AFF2: variants seen among roughly 807,000 people sequenced by gnomAD.
AFF2 encodes the protein AF4/FMR2 family member 2.
In AFF2, 14 loss-of-function variants were observed where a neutral mutation model predicts 76.9. The ratio of observed to expected loss-of-function variants is 0.18; its 90% CI spans 0.12 to 0.28. AFF2 has a LOEUF of 0.28. AFF2 is among the 10% of genes least tolerant of loss of function. AFF2 has a pLI of 1.00. For missense variants in AFF2, 868 were observed against 1,001.1 expected (o/e 0.87, Z 1.79); for synonymous variants, 398 against 366.7 (o/e 1.09, Z -0.98).
chrX:148,594,870 A>G (rs1397444890), intron 1 of AFF2, among the ~76,000 whole-genome samples: 1 of 112,116 alleles, frequency 8.9e-6, no homozygotes, highest in African/African-American at 3.2e-5. Flanking sequence ...GAGAGGATAA[A>G]ACAGAGGTTT....
rs189911952 is a variant in AFF2, at chrX:148,648,518, C to T, written c.48-3481C>T. ...TGGATGTTGCAGTGAGCTGAGATTG[C>T]GCCATTGCACTCCAGCCTGGTCGAC... On this transcript the variant is annotated intron_variant, in intron 1 of 20. Coordinates refer to ENST00000370460, the MANE Select transcript of AFF2 (RefSeq NM_002025.4). Among the ~76,000 whole-genome samples the T allele has an allele frequency of 3.4e-3, 326 of 95,093 alleles. 7 individuals carry two copies. The Admixed American group carries it at 0.036, about 10-fold the overall frequency. 82.6% of individuals were successfully genotyped at this position (95,093 alleles called of 115,157 possible).
chrX:148,727,608 A>G (rs189962244), intron 3 of AFF2, among the ~76,000 whole-genome samples: 42 of 106,314 alleles, frequency 4.0e-4, no homozygotes, highest in African/African-American at 1.5e-3. Flanking sequence ...TTGCCACTTT[A>G]AAAGTGAAAA....
At position 148,637,037 on chromosome X, in the gene AFF2, G is replaced by T. The variant is rs1557253943; in HGVS notation, c.48-14962G>T. Among the ~76,000 whole-genome samples, 3 of 111,800 alleles carry T rather than the reference G, an allele frequency of 2.7e-5. No individual in the cohort carries two copies. The South Asian group carries it at 1.1e-3, about 42-fold the overall frequency. On this transcript the variant is annotated intron_variant, in intron 1 of 20. Transcript: ENST00000370460. ...GTTCCCACATACCAGCACACTGTTT[G>T]TGATGTTCATTAAAAATATTAGGGA...
intron 9 of AFF2, among the ~76,000 whole-genome samples, chrX:148,931,900 T>A (rs1249581096): frequency 8.9e-6 from 1 of 112,056 alleles, no homozygotes; most frequent in Non-Finnish European, 1.9e-5. Context: ...GGGCTTTATA[T>A]TTTCTTTGTT....
At chrX:148,686,020 C>A (rs1221566983) in intron 3 of AFF2, among the ~76,000 whole-genome samples, 2 of 110,552 alleles carry the variant, frequency 1.8e-5, no homozygotes, top group Admixed American at 2.0e-4. Context: ...TTCTTTTCTT[C>A]TCAGGAGATT....
intron 9 of AFF2, among the ~76,000 whole-genome samples, chrX:148,949,997 A>T (rs1263664969): frequency 8.9e-6 from 1 of 112,630 alleles, no homozygotes; most frequent in Non-Finnish European, 1.9e-5. Flanking sequence ...TTAGTAACGT[A>T]TGAAAATAAA....
At chrX:148,905,576 C>T (rs1324345339) in intron 9 of AFF2, among the ~76,000 whole-genome samples, 4 of 112,222 alleles carry the variant, frequency 3.6e-5, no homozygotes, top group African/African-American at 9.7e-5. Flanking sequence ...GATCTTCTTT[C>T]CTGCAGTTCA....
intron 3 of AFF2, among the ~76,000 whole-genome samples, chrX:148,733,120 G>A (rs969633403): frequency 2.7e-5 from 3 of 111,435 alleles, no homozygotes; most frequent in Non-Finnish European, 5.6e-5. Flanking sequence ...TCTGGAGGTA[G>A]GGTTCACTGT....
chrX:148,755,973 G>T (rs2055556903), intron 3 of AFF2, among the ~76,000 whole-genome samples: 1 of 112,023 alleles, frequency 8.9e-6, no homozygotes, highest in Non-Finnish European at 1.9e-5. Context: ...GACTGGACCT[G>T]AGCCAGGAAA....
At chrX:148,795,832 A>AT (rs57921723) in intron 3 of AFF2, among the ~76,000 whole-genome samples, 3 of 15,531 alleles carry the variant, frequency 1.9e-4, no homozygotes, top group Non-Finnish European at 2.2e-4. Context: ...AAAAAAAAAA[A>AT]ATATATATAT....
intron 3 of AFF2, among the ~76,000 whole-genome samples, chrX:148,781,734 G>A (rs1361634604): frequency 2.7e-5 from 3 of 111,301 alleles, no homozygotes; most frequent in Non-Finnish European, 3.8e-5. Context: ...CATTCCAGGT[G>A]CCACTGGGAT....
At chrX:148,622,467 T>A (rs1603261147) in intron 1 of AFF2, among the ~76,000 whole-genome samples, 2 of 111,957 alleles carry the variant, frequency 1.8e-5, no homozygotes, top group East Asian at 5.7e-4. Flanking sequence ...ACCCACATTA[T>A]GGAAGGTTGA....
intron 3 of AFF2, among the ~76,000 whole-genome samples, chrX:148,751,776 G>A (rs2055502392): frequency 8.9e-6 from 1 of 111,812 alleles, no homozygotes; most frequent in South Asian, 3.8e-4. Flanking sequence ...TAGTTAATTT[G>A]CCTGCTTTCT....
At chrX:148,748,676 G>A (rs1014292156) in intron 3 of AFF2, among the ~76,000 whole-genome samples, 1 of 111,570 alleles carries the variant, frequency 9.0e-6, no homozygotes, top group Non-Finnish European at 1.9e-5. Flanking sequence ...GGGCTACCTT[G>A]ACTGGGGGGC....
At chrX:148,553,528 CTGT>C (rs2053018147) in intron 1 of AFF2, among the ~76,000 whole-genome samples, 1 of 111,681 alleles carries the variant, frequency 9.0e-6, no homozygotes, top group African/African-American at 3.3e-5. Flanking sequence ...AACAAATGTA[CTGT>C]GGCCTTCTCT....
intron 1 of AFF2, among the ~76,000 whole-genome samples, chrX:148,579,955 A>G (rs1569551540): frequency 9.0e-6 from 1 of 111,582 alleles, no homozygotes; most frequent in Non-Finnish European, 1.9e-5. Flanking sequence ...TCTCTTTTGC[A>G]GTCCCATTAA....
chrX:148,787,035 A>G (rs2069830150), intron 3 of AFF2, among the ~76,000 whole-genome samples: 1 of 112,457 alleles, frequency 8.9e-6, no homozygotes, highest in South Asian at 3.7e-4. Flanking sequence ...CACATATTAG[A>G]TGCTCAGTAA....
chrX:148,944,528 AG>A (rs2124330762), intron 9 of AFF2, among the ~76,000 whole-genome samples: 1 of 91,287 alleles, frequency 1.1e-5, no homozygotes, highest in African/African-American at 3.5e-5. Flanking sequence ...TAAAGGCAAA[AG>A]GTACAAAAAT....
chrX:148,528,198 A>G (rs2052686578), intron 1 of AFF2, among the ~76,000 whole-genome samples: 1 of 112,274 alleles, frequency 8.9e-6, no homozygotes, highest in African/African-American at 3.2e-5. Context: ...AAGAGAGCCA[A>G]TAAAACTTGA....
Sources: gnomAD v4.1 joint callset for allele counts (sites outside exome capture counted in the v4.1 genomes callset) on GRCh38, gnomAD v4.1.1 for gene constraint, MANE v1.5 for transcripts, NCBI Gene and HGNC (gene_info 2026-07-23, HGNC 2026-07-21) for gene names.